The following TMEM132E variants were observed in gnomAD, a reference collection of about 807,000 sequenced individuals.
TMEM132E encodes the protein transmembrane protein 132E.
Under a neutral mutation model 78.5 loss-of-function variants are expected in TMEM132E, and 49 were observed. The ratio of observed to expected loss-of-function variants is 0.62; its 90% CI spans 0.50 to 0.79. The LOEUF is 0.79. Ranked by LOEUF, TMEM132E falls within the 30% of genes least tolerant of loss-of-function variation. The probability of loss-of-function intolerance (pLI) is 0.00; values close to 1 mark genes in which losing one functional copy is unlikely to be tolerated. For synonymous variants in TMEM132E, 715 were observed against 670.6 expected (o/e 1.07, Z -1.02); for missense variants, 1,403 against 1,470.9 (o/e 0.95, Z 0.75).
At chr17:34,633,044 T>A (rs1400893579) in intron 6 of TMEM132E, 135 bp downstream of exon 6, 15 of 938,536 alleles carry the variant, frequency 1.6e-5, no homozygotes, top group African/African-American at 1.5e-4. Context: ...GTCAACAAGC[T>A]TTCATTGACC....
At chr17:34,611,220 G>A (rs922001991) in intron 1 of TMEM132E, among the ~76,000 whole-genome samples, 2 of 152,230 alleles carry the variant, frequency 1.3e-5, no homozygotes, top group Admixed American at 1.3e-4. Context: ...CAGACCTGGG[G>A]GTGTGGGTTG....
chr17:34,615,347 C>G (rs978830828), intron 1 of TMEM132E, among the ~76,000 whole-genome samples: 2 of 152,158 alleles, frequency 1.3e-5, no homozygotes, highest in Non-Finnish European at 2.9e-5. Flanking sequence ...ATTCCTCTGC[C>G]TAGGTCTCTG....
At chr17:34,587,616 G>T (rs1233207482) in intron 1 of TMEM132E, among the ~76,000 whole-genome samples, 1 of 152,160 alleles carries the variant, frequency 6.6e-6, no homozygotes, top group Non-Finnish European at 1.5e-5. Context: ...TTTTGGGGGA[G>T]CCTGGCTCTG....
intron 1 of TMEM132E, among the ~76,000 whole-genome samples, chr17:34,624,840 T>C (rs1907070180): frequency 6.6e-6 from 1 of 152,168 alleles, no homozygotes; most frequent in African/African-American, 2.4e-5. Context: ...ATTTATAGAG[T>C]GCTTTCTTAT....
Position 34,638,036 on chromosome 17 carries a change from G to T in TMEM132E, c.3029G>T (p.Arg1010Leu). ...EDPASSPTSK[R>L]KRVKFTTFTT... is the part of the protein sequence containing the mutation. Reference sequence around the variant, plus strand: ...CCCGCCAGCTCGCCCACCTCCAAGCGCAAGCGGGTCAAGTTCACCACCTTC... The same window carrying T: ...CCCGCCAGCTCGCCCACCTCCAAGCTCAAGCGGGTCAAGTTCACCACCTTC... Residue 1010 changes from arginine (R) to leucine (L), a missense_variant, in exon 9 of 9, where the codon CGC becomes CTC. Transcript: ENST00000631683. 1.9e-6 allele frequency: 3 copies of T among 1,576,596 alleles called. No homozygotes were observed. The highest frequency in any genetic ancestry group is 1.7e-6 in the Non-Finnish European group (2 of 1,161,220).
intron 1 of TMEM132E, among the ~76,000 whole-genome samples, chr17:34,599,629 C>G (rs1906169343): frequency 6.7e-6 from 1 of 148,690 alleles, no homozygotes. Flanking sequence ...ATCTTGGCTG[C>G]ACATTGAAGA....
rs867111938 is a variant in TMEM132E at position 34,639,023 on chromosome 17, A to T, written c.*791A>T. On this transcript the variant is annotated 3_prime_UTR_variant, in exon 9 of 9. Transcript: ENST00000631683. ...TTCCCCGTCCCCCACAGCAAGGTCA[A>T]CACTACTACGCCTTAGCCACCCGTC... 4 of 152,744 alleles carry T rather than the reference A, an allele frequency of 2.6e-5. No individual in the cohort carries two copies. Among genetic ancestry groups the T allele is most frequent in the South Asian group, 4.1e-4 (2 of 4,820 alleles). 9.5% of individuals were successfully genotyped at this position (152,744 alleles called of 1,614,324 possible).
chr17:34,632,727 G>A lies in TMEM132E; in HGVS notation c.1506G>A (p.Val502=). The change falls in exon 6 of 9, where the codon GTG becomes GTA. Residue 502 remains valine, a synonymous_variant. Transcript: ENST00000631683. ...AGGTATCCAGCAGCTGTGACTACGTGTTTGTGAGTGGAAAAGAGTCTCGAG... is the reference window on the plus strand; with the variant it reads ...AGGTATCCAGCAGCTGTGACTACGTATTTGTGAGTGGAAAAGAGTCTCGAG... The part of the protein sequence containing the change: ...IIKVSSSCDY[V]FVSGKESRGS... 8 of 1,614,156 alleles carry A rather than the reference G, an allele frequency of 5.0e-6. No individual in the cohort carries two copies. The highest frequency in any genetic ancestry group is 6.8e-6 in the Non-Finnish European group (8 of 1,180,026).
At chr17:34,600,611 T>G (rs947940691) in intron 1 of TMEM132E, among the ~76,000 whole-genome samples, 1 of 151,930 alleles carries the variant, frequency 6.6e-6, no homozygotes, top group Non-Finnish European at 1.5e-5. Context: ...AAGGTCGGGG[T>G]AGGAGGGCCT....
rs907514295 is a variant in TMEM132E, at chr17:34,581,188, C to T, written c.67+45C>T. ...CTGGGGGTGAGGATGCGGCAGGCGCCACTGGAGGGGGTACGGGGAAGACTG... is the reference window on the plus strand; with the variant it reads ...CTGGGGGTGAGGATGCGGCAGGCGCTACTGGAGGGGGTACGGGGAAGACTG... On this transcript the variant is annotated intron_variant, in intron 1 of 8. Transcript: ENST00000631683. The T allele has an allele frequency of 1.0e-5, 15 of 1,476,356 alleles. No individual in the cohort carries two copies. The African/African-American group carries it at 2.0e-4, about 20-fold the overall frequency. The allele number at this position is 1,476,356 out of a possible 1,614,324, so 91.5% of individuals were successfully genotyped here.
chr17:34,605,550 T>C (rs970993116), intron 1 of TMEM132E, among the ~76,000 whole-genome samples: 11 of 152,102 alleles, frequency 7.2e-5, no homozygotes, highest in Admixed American at 2.0e-4. Context: ...TCCTAAGCAA[T>C]AGCTTTGCCT....
In TMEM132E at chr17:34,638,162, C is replaced by G; in HGVS notation, c.3155C>G (p.Ala1052Gly). 1 of 1,605,192 alleles carries G rather than the reference C, an allele frequency of 6.2e-7. No individual in the cohort carries two copies. The highest frequency in any genetic ancestry group is 1.7e-4 in the Middle Eastern group (1 of 6,038). Reference sequence around the variant, plus strand: ...CTGGGTTGGGGCTGCCCGGATGTGGCGGGCCCCACGCGGCCCACTGCACCC... The same window carrying G: ...CTGGGTTGGGGCTGCCCGGATGTGGGGGGCCCCACGCGGCCCACTGCACCC... ...EDLGWGCPDV[A>G]GPTRPTAPPD... The change falls in exon 9 of 9, where the codon GCG becomes GGG. Residue 1052 changes from alanine to glycine, a missense_variant. Ala to Gly is a moderately conservative substitution (Grantham distance 60). Transcript: ENST00000631683.
intron 7 of TMEM132E, among the ~76,000 whole-genome samples, chr17:34,635,612 A>G (rs766604492): frequency 4.7e-4 from 71 of 152,348 alleles, no homozygotes; most frequent in Admixed American, 2.7e-3. Context: ...GAATCTGGTA[A>G]CAATCAGCTA....
At chr17:34,611,132 T>C (rs557930474) in intron 1 of TMEM132E, among the ~76,000 whole-genome samples, 23 of 152,344 alleles carry the variant, frequency 1.5e-4, no homozygotes, top group African/African-American at 4.8e-4. Flanking sequence ...AGGTGGAATG[T>C]GTGAGGAACA....
intron 7 of TMEM132E, 45 bp from the exon 8 acceptor site, chr17:34,635,962 T>G: frequency 7.5e-7 from 1 of 1,331,438 alleles, no homozygotes; most frequent in South Asian, 2.1e-5. Context: ...GGCAGGGGGG[T>G]GTGCTTTCCT....
rs555416458 is a variant in TMEM132E at position 34,621,648 on chromosome 17, G to A, written c.68-4479G>A. Among the ~76,000 whole-genome samples the A allele has an allele frequency of 3.9e-5, 6 of 152,312 alleles. No individual in the cohort carries two copies. The South Asian group carries it at 1.2e-3, about 32-fold the overall frequency. On this transcript the variant is annotated intron_variant, in intron 1 of 8. Coordinates refer to ENST00000631683, the MANE Select transcript of TMEM132E (RefSeq NM_001304438.2). ...ACCCAAATGACTGAAGACCAAGTCA[G>A]AGCCCAGGTCATCAGCAGGAAGGCA...
intron 2 of TMEM132E, among the ~76,000 whole-genome samples, chr17:34,627,277 G>T (rs1290142099): frequency 6.6e-6 from 1 of 152,164 alleles, no homozygotes; most frequent in African/African-American, 2.4e-5. Flanking sequence ...AAACATTCCT[G>T]CCCCTATTTC....
chr17:34,584,929 G>A (rs1243697811), intron 1 of TMEM132E, among the ~76,000 whole-genome samples: 1 of 152,190 alleles, frequency 6.6e-6, no homozygotes, highest in African/African-American at 2.4e-5. Flanking sequence ...CAGCAACCTT[G>A]AGTTTCTCCT....
chr17:34,611,266 G>A (rs1224183733), intron 1 of TMEM132E, among the ~76,000 whole-genome samples: 2 of 152,218 alleles, frequency 1.3e-5, no homozygotes, highest in African/African-American at 2.4e-5. Context: ...GCAGGCAGGG[G>A]TGGGACAAAG....
Sources: allele counts gnomAD v4.1 joint callset (sites outside exome capture counted in the v4.1 genomes callset), GRCh38; gene constraint gnomAD v4.1.1; transcripts MANE v1.5; gene names NCBI Gene and HGNC (gene_info 2026-07-23, HGNC 2026-07-21).